HSPA4: variants seen among roughly 807,000 people sequenced by gnomAD.
The protein encoded by HSPA4 is heat shock 70 kDa protein 4.
Under a neutral mutation model 106.2 loss-of-function variants are expected in HSPA4, and 25 were observed. The observed-to-expected ratio is 0.24, with a 90% CI of 0.17 to 0.33. The LOEUF (loss-of-function observed/expected upper bound fraction) is 0.33. Ranked by LOEUF, HSPA4 falls within the 10% of genes least tolerant of loss-of-function variation. The pLI is 1.00. For synonymous variants in HSPA4, 332 were observed against 333.6 expected (o/e 1.00, Z 0.05); for missense variants, 841 against 996.0 (o/e 0.84, Z 2.10).
chr5:133,105,250 T>G lies in HSPA4; in HGVS notation c.*814T>G, dbSNP rs1179264073. ...GTTAATTTTGGTGTAAAGATTTGTA[T>G]CCTGGCCTGTTTATTCAGGTGGGAG... is the stretch of plus-strand genomic sequence containing the variant. On this transcript the variant is annotated 3_prime_UTR_variant, in exon 19 of 19. Transcript: ENST00000304858. 1.3e-5 allele frequency: 2 copies of G among 152,260 alleles called. No homozygotes were observed. Among genetic ancestry groups the G allele is most frequent in the Non-Finnish European group, 2.9e-5 (2 of 68,046 alleles). 9.4% of individuals were successfully genotyped at this position (152,260 alleles called of 1,614,324 possible).
intron 16 of HSPA4, among the ~76,000 whole-genome samples, chr5:133,100,215 C>A (rs1311874269): frequency 6.6e-6 from 1 of 151,798 alleles, no homozygotes; most frequent in Non-Finnish European, 1.5e-5. Flanking sequence ...AGGCGCGTGC[C>A]ACCATGCCTA....
intron 5 of HSPA4, among the ~76,000 whole-genome samples, chr5:133,073,639 CAG>C (rs750096934): frequency 2.6e-5 from 4 of 152,124 alleles, no homozygotes; most frequent in African/African-American, 4.8e-5. Context: ...CTGGTAGAGT[CAG>C]AGGAATGGGA....
At chr5:133,075,878 C>A (rs1353026348) in intron 6 of HSPA4, among the ~76,000 whole-genome samples, 2 of 152,074 alleles carry the variant, frequency 1.3e-5, no homozygotes, top group Non-Finnish European at 2.9e-5. Context: ...TCTTACCATT[C>A]TTAACAGCTT....
At chr5:133,063,664 C>T (rs1417753947) in intron 1 of HSPA4, among the ~76,000 whole-genome samples, 1 of 152,102 alleles carries the variant, frequency 6.6e-6, no homozygotes. Context: ...AACTCCAGAC[C>T]TCAGGTGATC....
chr5:133,054,499 T>C (rs1765134369), intron 1 of HSPA4, among the ~76,000 whole-genome samples: 1 of 152,164 alleles, frequency 6.6e-6, no homozygotes, highest in South Asian at 2.1e-4. Context: ...CCACCGCACC[T>C]GGCACAGCTT....
At chr5:133,100,534 T>G (rs1380142610) in intron 16 of HSPA4, among the ~76,000 whole-genome samples, 1 of 151,986 alleles carries the variant, frequency 6.6e-6, no homozygotes, top group Non-Finnish European at 1.5e-5. Flanking sequence ...GCGCGGTGGC[T>G]CATGCCTGTA....
chr5:133,069,586 T>A (rs1486885460), intron 3 of HSPA4, among the ~76,000 whole-genome samples: 2 of 152,190 alleles, frequency 1.3e-5, no homozygotes, highest in Non-Finnish European at 2.9e-5. Flanking sequence ...GTATATATTG[T>A]GCCAGGTCCT....
intron 13 of HSPA4, among the ~76,000 whole-genome samples, 183 bp downstream of exon 13, chr5:133,092,972 C>A (rs1054816067): frequency 6.7e-6 from 1 of 149,246 alleles, no homozygotes; most frequent in African/African-American, 2.5e-5. Flanking sequence ...AGACGCCCAC[C>A]ACCACGGCAG....
chr5:133,067,322 T>C, intron 2 of HSPA4, 95 bp from the exon 3 acceptor site: 1 of 1,083,922 alleles, frequency 9.2e-7, no homozygotes, highest in Non-Finnish European at 1.3e-6. Flanking sequence ...GGAGACTCTA[T>C]ATAAAGTTAA....
At chr5:133,073,501 C>T (rs1278188012) in intron 5 of HSPA4, among the ~76,000 whole-genome samples, 172 bp downstream of exon 5, 1 of 152,182 alleles carries the variant, frequency 6.6e-6, no homozygotes, top group African/African-American at 2.4e-5. Flanking sequence ...TTAATCTGAC[C>T]AGTGCTTTTT....
intron 2 of HSPA4, 35 bp downstream of exon 2, chr5:133,065,072 T>C (rs771446035): frequency 3.3e-5 from 52 of 1,566,626 alleles, no homozygotes; most frequent in Middle Eastern, 1.7e-4. Flanking sequence ...ATGACTTATT[T>C]CTCCTCTTCA....
rs748906789 is a variant in HSPA4, at chr5:133,070,516, A to G, written c.429+20A>G. ...GTTTCGGTGAGTTTGATCCCTATACATTATTGGGAATTTGCATGAAGAAGC... is the reference window on the plus strand; with the variant it reads ...GTTTCGGTGAGTTTGATCCCTATACGTTATTGGGAATTTGCATGAAGAAGC... On this transcript the variant is annotated intron_variant, in intron 4 of 18. Transcript: ENST00000304858. The G allele has an allele frequency of 4.3e-6, 7 of 1,610,564 alleles. No homozygotes were observed. Among genetic ancestry groups the G allele is most frequent in the East Asian group, 2.2e-5 (1 of 44,812 alleles).
intron 13 of HSPA4, among the ~76,000 whole-genome samples, chr5:133,093,774 C>T (rs532013760): frequency 1.8e-4 from 28 of 152,258 alleles, no homozygotes; most frequent in Admixed American, 4.6e-4. Flanking sequence ...TGAGCCACTG[C>T]GCCCAGCCAA....
chr5:133,079,216 G>A (rs1258701242), intron 7 of HSPA4, among the ~76,000 whole-genome samples: 2 of 152,054 alleles, frequency 1.3e-5, no homozygotes, highest in Non-Finnish European at 2.9e-5. Flanking sequence ...ACAGGGTTGT[G>A]CAATGGCCAC....
chr5:133,063,988 C>A (rs1434242471), intron 1 of HSPA4, among the ~76,000 whole-genome samples: 1 of 152,164 alleles, frequency 6.6e-6, no homozygotes, highest in Non-Finnish European at 1.5e-5. Flanking sequence ...TCTCGAACTC[C>A]TGACCTCAGG....
intron 17 of HSPA4, among the ~76,000 whole-genome samples, chr5:133,102,478 A>G (rs192712596): frequency 2.6e-5 from 4 of 152,316 alleles, no homozygotes; most frequent in Admixed American, 2.6e-4. Flanking sequence ...ACCTGAGGCC[A>G]GTAATTATCC....
chr5:133,070,311 T>C, intron 3 of HSPA4, 63 bp from the exon 4 acceptor site: 1 of 1,517,696 alleles, frequency 6.6e-7, no homozygotes, highest in Non-Finnish European at 8.9e-7. Flanking sequence ...ATTTTAGCTT[T>C]TAGGACTAGG....
At chr5:133,098,708 T>C (rs1765746369) in intron 15 of HSPA4, among the ~76,000 whole-genome samples, 1 of 151,994 alleles carries the variant, frequency 6.6e-6, no homozygotes, top group Non-Finnish European at 1.5e-5. Context: ...GTTTCGGTCT[T>C]ATTGCCCAGG....
chr5:133,077,284 G>A (rs1251345858), intron 7 of HSPA4, among the ~76,000 whole-genome samples: 1 of 152,074 alleles, frequency 6.6e-6, no homozygotes, highest in Non-Finnish European at 1.5e-5. Flanking sequence ...TTTTGCCCAG[G>A]CTGGAGTAAA....
Sources: allele counts gnomAD v4.1 joint callset (sites outside exome capture counted in the v4.1 genomes callset), GRCh38; gene constraint gnomAD v4.1.1; transcripts MANE v1.5; gene names NCBI Gene and HGNC (gene_info 2026-07-23, HGNC 2026-07-21).